Variants in ZDHHC4 observed in about 807,000 individuals in gnomAD.
ZDHHC4 encodes zDHHC palmitoyltransferase 4, also known as palmitoyltransferase ZDHHC4.
Under a neutral mutation model 36.7 loss-of-function variants are expected in ZDHHC4, and 42 were observed. That is an observed-to-expected ratio of 1.14 (90% CI 0.89 to 1.48). ZDHHC4 has a LOEUF of 1.48. Among genes scored for constraint, ZDHHC4 ranks in the 40% most tolerant of loss-of-function variants. ZDHHC4 has a pLI of 0.00. For synonymous variants in ZDHHC4, 189 were observed against 166.6 expected, an observed-to-expected ratio of 1.13 and a Z score of -1.03; for missense variants, 457 against 421.5, an observed-to-expected ratio of 1.08 and a Z score of -0.74.
At chr7:6,580,719 T>G in intron 3 of ZDHHC4, 41 bp downstream of exon 3, 1 of 1,586,070 alleles carries the variant, frequency 6.3e-7, no homozygotes, top group Middle Eastern at 1.7e-4. Flanking sequence ...TTGAATACTG[T>G]GTTAGTCTAA....
At chr7:6,582,408 TTC>T in intron 5 of ZDHHC4, 157 bp downstream of exon 5, 1 of 742,472 alleles carries the variant, frequency 1.3e-6, no homozygotes, top group Non-Finnish European at 2.1e-6. Context: ...AATTTTTTTT[TTC>T]TTCTTCAACC....
rs762526824 is a variant in ZDHHC4, at chr7:6,582,248, C to G, written c.367C>G (p.Pro123Ala). 2.5e-6 allele frequency: 4 copies of G among 1,613,844 alleles called. No individual in the cohort carries two copies. Among genetic ancestry groups the G allele is most frequent in the South Asian group, 1.1e-5 (1 of 91,052 alleles). The change falls in exon 5 of 8, where the codon CCT becomes GCT. Residue 123 changes from proline to alanine, a missense_variant. By Grantham distance (27) the Pro-to-Ala change is conservative. Transcript: ENST00000335965. ...FFFTLTCGTNPGIITKANELL... is the reference protein window; with the variant it reads ...FFFTLTCGTNAGIITKANELL... The stretch of plus-strand genomic sequence containing the variant: ...TTTCACCCTGACTTGTGGAACCAAT[C>G]CTGGTAAGTTGAGGCTCTTAGCATA...
At chr7:6,577,681 C>G (rs1244879911) in intron 1 of ZDHHC4, 183 bp downstream of exon 1, 1 of 152,286 alleles carries the variant, frequency 6.6e-6, no homozygotes, top group Non-Finnish European at 1.5e-5. Context: ...TACCAGGGCT[C>G]CAGCCCCCAG....
intron 5 of ZDHHC4, among the ~76,000 whole-genome samples, chr7:6,582,899 C>T (rs1442240650): frequency 2.0e-5 from 3 of 152,036 alleles, no homozygotes; most frequent in Admixed American, 6.6e-5. Context: ...CGTGGCTGGG[C>T]GCGGTGGCTC....
chr7:6,588,592 A>G, intron 7 of ZDHHC4, 25 bp from the exon 8 acceptor site: 1 of 1,609,916 alleles, frequency 6.2e-7, no homozygotes, highest in Non-Finnish European at 8.5e-7. Flanking sequence ...AGCTGCCTAA[A>G]GCACTACCTT....
At chr7:6,587,298 G>T (rs1323100139) in intron 7 of ZDHHC4, among the ~76,000 whole-genome samples, 1 of 152,012 alleles carries the variant, frequency 6.6e-6, no homozygotes, top group Non-Finnish European at 1.5e-5. Context: ...TTGGATCTTG[G>T]GAATGGGGTT....
chr7:6,582,264 T>C lies in ZDHHC4; in HGVS notation c.370+13T>C. The C allele has an allele frequency of 6.2e-7, 1 of 1,612,980 alleles. No individual in the cohort carries two copies. The highest frequency in any genetic ancestry group is 1.3e-5 in the African/African-American group (1 of 75,008). Reference sequence around the variant, plus strand: ...GGAACCAATCCTGGTAAGTTGAGGCTCTTAGCATACAGCATGGTGACAGCT... The same window carrying C: ...GGAACCAATCCTGGTAAGTTGAGGCCCTTAGCATACAGCATGGTGACAGCT... On this transcript the variant is annotated intron_variant, in intron 5 of 7. Transcript: ENST00000335965.
chr7:6,579,115 C>T (rs377104992), intron 2 of ZDHHC4, among the ~76,000 whole-genome samples: 52 of 151,516 alleles, frequency 3.4e-4, no homozygotes, highest in African/African-American at 1.2e-3. Flanking sequence ...CGAGCCACTA[C>T]GGCCGGCCAA....
chr7:6,579,946 G>A (rs1780719880), intron 2 of ZDHHC4, among the ~76,000 whole-genome samples: 1 of 151,900 alleles, frequency 6.6e-6, no homozygotes, highest in South Asian at 2.1e-4. Flanking sequence ...GACCAGCCTG[G>A]CCAACATGGT....
chr7:6,578,754 T>C (rs1780620143), intron 2 of ZDHHC4, 34 bp downstream of exon 2: 1 of 152,250 alleles, frequency 6.6e-6, no homozygotes, highest in African/African-American at 2.4e-5. Flanking sequence ...CCCGTGAGAA[T>C]TGCTGCTGTT....
At chr7:6,584,710 T>G (rs1202379174) in intron 6 of ZDHHC4, among the ~76,000 whole-genome samples, 1 of 152,178 alleles carries the variant, frequency 6.6e-6, no homozygotes, top group Non-Finnish European at 1.5e-5. Context: ...CATAGCTCAC[T>G]GCAGCGTTGA....
intron 6 of ZDHHC4, 185 bp from the exon 7 acceptor site, chr7:6,584,831 C>A (rs999687722): frequency 1.7e-5 from 13 of 763,076 alleles, no homozygotes; most frequent in Non-Finnish European, 1.2e-5. Context: ...GTGCTCAATA[C>A]CCACATTTGG....
At chr7:6,584,440 A>G (rs1345889187) in intron 6 of ZDHHC4, 1 of 152,510 alleles carries the variant, frequency 6.6e-6, no homozygotes, top group African/African-American at 2.4e-5. Flanking sequence ...ATCCATGTCT[A>G]CATTGACATA....
In ZDHHC4 at chr7:6,585,085, G is replaced by A. The variant is rs751014721; in HGVS notation, c.566G>A (p.Trp189Ter). Residue 189 changes from tryptophan (W) to a stop codon, truncating the protein, a stop_gained, in exon 7 of 8, where the codon TGG becomes TAG. Transcript: ENST00000335965. LOFTEE classifies it high-confidence loss of function. ...TGGGTGAACAACTGCATCGGGGCCT[G>A]GAACATCAGGTACTTCCTCATCTAC... Reference protein sequence around the residue: ...CVWVNNCIGAWNIRYFLIYVL... With the variant: ...CVWVNNCIGA 6.2e-7 allele frequency: 1 copy of A among 1,614,120 alleles called. No homozygotes were observed. Among genetic ancestry groups the A allele is most frequent in the East Asian group, 2.2e-5 (1 of 44,878 alleles).
chr7:6,581,705 A>G, intron 4 of ZDHHC4, 25 bp downstream of exon 4: 1 of 1,542,360 alleles, frequency 6.5e-7, no homozygotes, highest in Non-Finnish European at 8.9e-7. Flanking sequence ...GAGTTTAAAT[A>G]TTCTCCTCTT....
chr7:6,587,924 T>C (rs7804036), intron 7 of ZDHHC4, among the ~76,000 whole-genome samples: 60,735 of 152,126 alleles, frequency 0.4, 13,061 homozygotes, highest in African/African-American at 0.56. Context: ...GGAGTGCAGT[T>C]GCACAATCTC....
intron 7 of ZDHHC4, among the ~76,000 whole-genome samples, chr7:6,587,235 T>C (rs1267366977): frequency 2.0e-5 from 3 of 152,162 alleles, no homozygotes; most frequent in Non-Finnish European, 4.4e-5. Flanking sequence ...GAGGTCTTTA[T>C]ATAATAATGA....
At chr7:6,583,542 A>G in intron 6 of ZDHHC4, 111 bp downstream of exon 6, 1 of 1,397,350 alleles carries the variant, frequency 7.2e-7, no homozygotes, top group Non-Finnish European at 9.6e-7. Flanking sequence ...ACCCCCAGAT[A>G]TGGTGTGGCC....
chr7:6,581,084 G>T (rs1562539968), intron 3 of ZDHHC4: 1 of 256,172 alleles, frequency 3.9e-6, no homozygotes, highest in East Asian at 1.0e-4. Flanking sequence ...TGGATTAGAT[G>T]CCTGTGATTG....
Sources: gnomAD v4.1 joint callset for allele counts (sites outside exome capture counted in the v4.1 genomes callset) on GRCh38, gnomAD v4.1.1 for gene constraint, MANE v1.5 for transcripts, NCBI Gene and HGNC (gene_info 2026-07-23, HGNC 2026-07-21) for gene names.